Variants in ADAMTS2 observed in about 807,000 individuals in gnomAD.
The protein encoded by ADAMTS2 is A disintegrin and metalloproteinase with thrombospondin motifs 2.
A neutral mutation model predicts 123.0 loss-of-function variants in ADAMTS2; 50 were observed. That is an observed-to-expected ratio of 0.41 (90% CI 0.32 to 0.51). The LOEUF is 0.51. Ranked by LOEUF, ADAMTS2 falls within the 20% of genes least tolerant of loss-of-function variation. The pLI, the probability that ADAMTS2 is intolerant of heterozygous loss-of-function variation, is 0.35. For synonymous variants in ADAMTS2, 678 were observed against 695.4 expected, an observed-to-expected ratio of 0.98 and a Z score of 0.39; for missense variants, 1,494 against 1,705.2, an observed-to-expected ratio of 0.88 and a Z score of 2.18.
chr5:179,132,630 C>A lies in ADAMTS2; in HGVS notation c.2209+147G>T. The A allele has an allele frequency of 8.4e-7, 1 of 1,186,576 alleles. No individual in the cohort carries two copies. Among genetic ancestry groups the A allele is most frequent in the Non-Finnish European group, 1.2e-6 (1 of 820,514 alleles). 73.5% of individuals were successfully genotyped at this position (1,186,576 alleles called of 1,614,324 possible). ...GGGCTGTCCCCGACTTAGGATTCTC[C>A]CTCCCCCTCAGTGTCACAGACCTCT... On this transcript the variant is annotated intron_variant, in intron 14 of 21. Transcript: ENST00000251582. This position sits in a 1 kb window ranked among gnomAD's most constrained non-coding sequence, Gnocchi z 6.1.
At chr5:179,148,905 A>G (rs1374837197) in intron 10 of ADAMTS2, among the ~76,000 whole-genome samples, 1 of 152,124 alleles carries the variant, frequency 6.6e-6, no homozygotes, top group African/African-American at 2.4e-5. Context: ...GCCAACAGGA[A>G]CTGGCTGGGG....
In ADAMTS2 at chr5:179,268,642, T is replaced by C. The variant is rs563774683; in HGVS notation, c.688+4269A>G. ...GCTCCAGGTCCCTTAACGCGGGCGG[T>C]GGGGGAGGACTGCCAGGCTGAGACT... On this transcript the variant is annotated intron_variant, in intron 3 of 21. Coordinates refer to ENST00000251582, the MANE Select transcript of ADAMTS2 (RefSeq NM_014244.5). Among the ~76,000 whole-genome samples, 13 of 151,946 alleles carry C rather than the reference T, an allele frequency of 8.6e-5. No homozygotes were observed. In the South Asian group the frequency reaches 2.3e-3, roughly 27 times the overall value.
intron 3 of ADAMTS2, among the ~76,000 whole-genome samples, chr5:179,258,376 A>G (rs1267759762): frequency 6.6e-6 from 1 of 151,940 alleles, no homozygotes; most frequent in Non-Finnish European, 1.5e-5. Flanking sequence ...GGCAGCACCT[A>G]GTCCTTTTTG....
chr5:179,141,448 T>C (rs1763168704), intron 10 of ADAMTS2, among the ~76,000 whole-genome samples: 1 of 152,172 alleles, frequency 6.6e-6, no homozygotes. Context: ...TGAATGGAAG[T>C]GTAAGGAGGT....
intron 2 of ADAMTS2, among the ~76,000 whole-genome samples, chr5:179,299,355 CT>C (rs1376138870): frequency 9.2e-4 from 6 of 6,516 alleles, no homozygotes; most frequent in Non-Finnish European, 3.8e-3. Flanking sequence ...CGGTGAAATC[CT>C]GTCTCTGCTA....
intron 3 of ADAMTS2, among the ~76,000 whole-genome samples, chr5:179,250,505 C>A (rs1765893300): frequency 6.6e-6 from 1 of 152,074 alleles, no homozygotes; most frequent in South Asian, 2.1e-4. Flanking sequence ...GAATTATGCG[C>A]CCGAAACGCT....
chr5:179,293,718 A>T (rs1361098742), intron 2 of ADAMTS2, among the ~76,000 whole-genome samples: 1 of 151,948 alleles, frequency 6.6e-6, no homozygotes, highest in Non-Finnish European at 1.5e-5. Context: ...GGTTCAAGTG[A>T]TTCTCGTGTC....
At chr5:179,334,719 TA>T (rs1361334024) in intron 2 of ADAMTS2, among the ~76,000 whole-genome samples, 2 of 152,174 alleles carry the variant, frequency 1.3e-5, no homozygotes, top group African/African-American at 4.8e-5. Flanking sequence ...CACAAAGATA[TA>T]TTAGAATTAA....
chr5:179,122,253 G>C (rs10447301), intron 20 of ADAMTS2, among the ~76,000 whole-genome samples: 41,356 of 152,024 alleles, frequency 0.27, 5,773 homozygotes, highest in Middle Eastern at 0.42. Flanking sequence ...CATGTATAGC[G>C]TTTGGACAGG....
intron 2 of ADAMTS2, among the ~76,000 whole-genome samples, chr5:179,342,656 C>T (rs1390966413): frequency 6.6e-6 from 1 of 152,234 alleles, no homozygotes; most frequent in Non-Finnish European, 1.5e-5. Context: ...GGCAGGAGTT[C>T]CCTGAGTAGC....
rs531314627 is a variant in ADAMTS2 at position 179,171,272 on chromosome 5, C to T, written c.975+9800G>A. Among the ~76,000 whole-genome samples the T allele has an allele frequency of 6.6e-5, 10 of 152,208 alleles. No individual in the cohort carries two copies. In the East Asian group the frequency reaches 1.7e-3, roughly 27 times the overall value. On this transcript the variant is annotated intron_variant, in intron 5 of 21. Transcript: ENST00000251582. ...CTCTCCCCTGGCCACCTGGGGATGG[C>T]AGATGGCTCCTCCGGTCCCACAGAC...
chr5:179,250,658 T>C (rs1268779150), intron 3 of ADAMTS2, among the ~76,000 whole-genome samples: 1 of 152,226 alleles, frequency 6.6e-6, no homozygotes, highest in East Asian at 1.9e-4. Context: ...GACGCAGCAT[T>C]ACCTGCTTTC....
In ADAMTS2 at chr5:179,111,482, A is replaced by T. The variant is rs1379724652; in HGVS notation, c.*2385T>A. 1.3e-5 allele frequency: 2 copies of T among 152,162 alleles called. No homozygotes were observed. The highest frequency in any genetic ancestry group is 2.9e-5 in the Non-Finnish European group (2 of 68,046). The allele number at this position is 152,162 out of a possible 1,614,324, so 9.4% of individuals were successfully genotyped here. A position where few individuals can be genotyped will look rare whatever the true frequency, so the allele number is the denominator to read the frequency against. ...TTTGAGGACCATCCGGCTCTAGAGG[A>T]CTCTTGATATATGGCTCAAGGATTG... On this transcript the variant is annotated 3_prime_UTR_variant, in exon 22 of 22. Coordinates refer to ENST00000251582, the MANE Select transcript of ADAMTS2 (RefSeq NM_014244.5).
intron 3 of ADAMTS2, among the ~76,000 whole-genome samples, chr5:179,226,237 TTC>T (rs1765280733): frequency 2.1e-5 from 3 of 141,624 alleles, no homozygotes; most frequent in African/African-American, 7.3e-5. Context: ...CCTTCCTTCC[TTC>T]CTTTCTTTCT....
At chr5:179,319,145 C>T (rs1416792717) in intron 2 of ADAMTS2, among the ~76,000 whole-genome samples, 1 of 152,136 alleles carries the variant, frequency 6.6e-6, no homozygotes. Flanking sequence ...GCATCACATG[C>T]ACCACGTGTG....
At position 179,228,580 on chromosome 5, in the gene ADAMTS2, T is replaced by G. The variant is rs527613385; in HGVS notation, c.689-20865A>C. On this transcript the variant is annotated intron_variant, in intron 3 of 21. Coordinates refer to ENST00000251582, the MANE Select transcript of ADAMTS2 (RefSeq NM_014244.5). This position sits in a 1 kb window ranked among gnomAD's most constrained non-coding sequence, Gnocchi z 5.2. The stretch of plus-strand genomic sequence containing the variant: ...TTATGCCGGCCACTGCCTTGCCTCC[T>G]GCCTGATGCAGTCTCTCGGCAGCAA... Among the ~76,000 whole-genome samples, 1 of 152,358 alleles carries G rather than the reference T, an allele frequency of 6.6e-6. No individual in the cohort carries two copies. The highest frequency in any genetic ancestry group is 2.4e-5 in the African/African-American group (1 of 41,594).
intron 10 of ADAMTS2, among the ~76,000 whole-genome samples, chr5:179,149,409 C>T (rs1026141793): frequency 1.3e-5 from 2 of 152,210 alleles, no homozygotes; most frequent in African/African-American, 2.4e-5. Context: ...ACCCAGTCTG[C>T]GGTATTTCTG....
chr5:179,217,966 C>A (rs1042405412), intron 3 of ADAMTS2, among the ~76,000 whole-genome samples: 6 of 152,248 alleles, frequency 3.9e-5, no homozygotes, highest in African/African-American at 1.4e-4. Context: ...TGTGCTACTG[C>A]CTCAACCTGC....
chr5:179,231,000 A>C (rs1765400349), intron 3 of ADAMTS2, among the ~76,000 whole-genome samples: 1 of 151,776 alleles, frequency 6.6e-6, no homozygotes, highest in Admixed American at 6.6e-5. Context: ...AACAGAGCGA[A>C]ACTCAGTCTC....
Sources: gnomAD v4.1 joint callset for allele counts (sites outside exome capture counted in the v4.1 genomes callset) on GRCh38, gnomAD v4.1.1 for gene constraint, Gnocchi (gnomAD v3.1) non-coding constraint, MANE v1.5 for transcripts, NCBI Gene and HGNC (gene_info 2026-07-23, HGNC 2026-07-21) for gene names.